Variants in PRPF4 observed in about 807,000 individuals in gnomAD.
PRPF4 encodes the protein U4/U6 small nuclear ribonucleoprotein Prp4.
PRPF4 carries 14 observed loss-of-function variants against 72.2 expected under a neutral mutation model. The ratio of observed to expected loss-of-function variants is 0.19; its 90% CI spans 0.13 to 0.30. The LOEUF (loss-of-function observed/expected upper bound fraction) is 0.30, where lower values mean the gene tolerates loss of function less well. PRPF4 is among the 10% of genes least tolerant of loss of function. The pLI, the probability that PRPF4 is intolerant of heterozygous loss-of-function variation, is 1.00. For synonymous variants in PRPF4, 225 were observed against 232.2 expected, an observed-to-expected ratio of 0.97 and a Z score of 0.28; for missense variants, 478 against 653.9, an observed-to-expected ratio of 0.73 and a Z score of 2.93.
intron 9 of PRPF4, among the ~76,000 whole-genome samples, chr9:113,287,087 A>G (rs918158168): frequency 1.3e-5 from 2 of 152,180 alleles, no homozygotes; most frequent in African/African-American, 4.8e-5. Context: ...TTTAACCCCC[A>G]AGATGGTTTA....
chr9:113,287,344 C>T (rs1250134769), intron 9 of PRPF4, among the ~76,000 whole-genome samples: 1 of 152,164 alleles, frequency 6.6e-6, no homozygotes, highest in African/African-American at 2.4e-5. Flanking sequence ...TCTTAGCAAA[C>T]AGCCACAGGG....
At chr9:113,284,059 C>T (rs1040260651) in intron 6 of PRPF4, among the ~76,000 whole-genome samples, 1 of 136,308 alleles carries the variant, frequency 7.3e-6, no homozygotes, top group Non-Finnish European at 1.5e-5. Flanking sequence ...CACAGCAAGA[C>T]TCTGTCTCAA....
intron 10 of PRPF4, among the ~76,000 whole-genome samples, chr9:113,290,084 G>C (rs1438725351): frequency 1.3e-5 from 2 of 152,152 alleles, no homozygotes; most frequent in Non-Finnish European, 2.9e-5. Context: ...GCTGGGCATG[G>C]TGGCGCACAC....
chr9:113,281,600 C>G (rs1832285433), intron 3 of PRPF4, among the ~76,000 whole-genome samples: 1 of 152,172 alleles, frequency 6.6e-6, no homozygotes, highest in Admixed American at 6.5e-5. Flanking sequence ...ATTTGCAGCC[C>G]TATTCTTCAC....
intron 6 of PRPF4, 36 bp downstream of exon 6, chr9:113,283,518 G>A (rs751487767): frequency 6.2e-7 from 1 of 1,605,766 alleles, no homozygotes; most frequent in Non-Finnish European, 8.5e-7. Context: ...ACATCTTAAA[G>A]GTTCTTCATG....
intron 3 of PRPF4, among the ~76,000 whole-genome samples, chr9:113,281,447 G>A (rs142367535): frequency 2.8e-4 from 42 of 152,236 alleles, no homozygotes; most frequent in African/African-American, 9.4e-4. Flanking sequence ...GACTCAGAGC[G>A]TCACTACAAC....
intron 1 of PRPF4, among the ~76,000 whole-genome samples, chr9:113,276,187 T>G (rs1832088659): frequency 6.6e-6 from 1 of 152,244 alleles, no homozygotes. Flanking sequence ...GCGTTGGTTA[T>G]TTCATCTATC....
rs1297217391 is a variant in PRPF4 at position 113,283,183 on chromosome 9, C to T, written c.532C>T (p.Leu178=). 3 of 1,614,070 alleles carry T rather than the reference C, an allele frequency of 1.9e-6. No individual in the cohort carries two copies. The highest frequency in any genetic ancestry group is 2.7e-5 in the African/African-American group (2 of 74,926). ...ACCAAATAGCTTGAAGGTGGCAAGA[C>T]TATGGATTGCTAATTATTCGTTGCC... ...EGPNSLKVAR[L]WIANYSLPRA... The change falls in exon 5 of 14, where the codon CTA becomes TTA. Residue 178 remains leucine (L), a synonymous_variant. Transcript: ENST00000374198.
intron 3 of PRPF4, among the ~76,000 whole-genome samples, chr9:113,280,657 C>T (rs1002175860): frequency 6.6e-6 from 1 of 152,184 alleles, no homozygotes; most frequent in Non-Finnish European, 1.5e-5. Context: ...AGATTGTCTT[C>T]TCATACTTGG....
At chr9:113,289,780 G>C (rs1259055290) in intron 10 of PRPF4, among the ~76,000 whole-genome samples, 1 of 152,102 alleles carries the variant, frequency 6.6e-6, no homozygotes, top group Non-Finnish European at 1.5e-5. Context: ...TGATCTATTT[G>C]TGTATGAGTG....
chr9:113,282,960 C>A (rs1311664667), intron 4 of PRPF4, 172 bp from the exon 5 acceptor site: 2 of 1,236,462 alleles, frequency 1.6e-6, no homozygotes, highest in African/African-American at 3.0e-5. Flanking sequence ...CCTGGTATAA[C>A]CATGTAGTTA....
chr9:113,288,359 CT>C (rs1432310286), intron 10 of PRPF4, 95 bp downstream of exon 10: 1 of 1,140,866 alleles, frequency 8.8e-7, no homozygotes, highest in African/African-American at 1.6e-5. Context: ...GAGCAGAGAT[CT>C]TCAGGTAGGA....
chr9:113,286,333 T>C lies in PRPF4; in HGVS notation c.808+43T>C. The stretch of plus-strand genomic sequence containing the variant: ...CCAAATCTCGGTCTTTTTCCCAGTG[T>C]GAACTCAGTTAAGCCTTAAACTCTG... On this transcript the variant is annotated intron_variant, in intron 8 of 13. Coordinates refer to ENST00000374198, the MANE Select transcript of PRPF4 (RefSeq NM_001244926.2). 2 of 1,529,256 alleles carry C rather than the reference T, an allele frequency of 1.3e-6. 1 individual carries two copies. Among genetic ancestry groups the C allele is most frequent in the Middle Eastern group, 3.4e-4 (2 of 5,906 alleles). The allele number at this position is 1,529,256 out of a possible 1,614,324, so 94.7% of individuals were successfully genotyped here. A position where few individuals can be genotyped will look rare whatever the true frequency, so the allele number is the denominator to read the frequency against.
At chr9:113,285,572 G>C (rs1832418822) in intron 7 of PRPF4, among the ~76,000 whole-genome samples, 1 of 151,228 alleles carries the variant, frequency 6.6e-6, no homozygotes, top group Non-Finnish European at 1.5e-5. Flanking sequence ...TAGAGACAGG[G>C]TTTCACCGTG....
rs71367710 is a variant in PRPF4, at chr9:113,277,386, T to TTGTG, written c.205+678_205+681dup. ...ATTTTTTACCCAAAGTGAAATCTTT[T>TTGTG]TGTGTGTGTGTGTGTGTGTGACAGG... On this transcript the variant is annotated intron_variant, in intron 2 of 13. Transcript: ENST00000374198. Among the ~76,000 whole-genome samples, 273 of 150,086 alleles carry TTGTG rather than the reference T, an allele frequency of 1.8e-3. 2 individuals carry two copies. Among genetic ancestry groups the TTGTG allele is most frequent in the African/African-American group, 5.6e-3 (228 of 40,864 alleles).
intron 13 of PRPF4, 67 bp downstream of exon 13, chr9:113,291,083 A>G: frequency 6.8e-7 from 1 of 1,474,656 alleles, no homozygotes; most frequent in Non-Finnish European, 9.5e-7. Context: ...CGTGGAATGC[A>G]GGCCAGGCTT....
intron 3 of PRPF4, among the ~76,000 whole-genome samples, chr9:113,281,885 A>G (rs2118606882): frequency 6.6e-6 from 1 of 152,178 alleles, no homozygotes; most frequent in South Asian, 2.1e-4. Flanking sequence ...AATATAATGG[A>G]TTATAGTTTG....
intron 2 of PRPF4, among the ~76,000 whole-genome samples, chr9:113,277,531 G>T (rs1027902041): frequency 2.0e-5 from 3 of 151,936 alleles, no homozygotes; most frequent in African/African-American, 7.3e-5. Flanking sequence ...GATTACAGGT[G>T]CCCGCCACCA....
chr9:113,288,287 T>C (rs972858811), intron 10 of PRPF4, 23 bp downstream of exon 10: 1 of 1,607,360 alleles, frequency 6.2e-7, no homozygotes, highest in African/African-American at 1.3e-5. Context: ...GTTATTGTTT[T>C]ATCCATATAG....
Sources: allele counts gnomAD v4.1 joint callset (sites outside exome capture counted in the v4.1 genomes callset), GRCh38; gene constraint gnomAD v4.1.1; transcripts MANE v1.5; gene names NCBI Gene and HGNC (gene_info 2026-07-23, HGNC 2026-07-21).